The following NXPH4 variants were observed in gnomAD, a reference collection of about 807,000 sequenced individuals.
NXPH4 encodes neurexophilin 4, also known as neurexophilin-4.
Under a neutral mutation model 21.3 loss-of-function variants are expected in NXPH4, and 8 were observed. The observed-to-expected ratio is 0.38, with a 90% CI of 0.22 to 0.68. NXPH4 has a LOEUF of 0.68. Ranked by LOEUF, NXPH4 falls within the 30% of genes least tolerant of loss-of-function variation. The pLI is 0.53. For missense variants in NXPH4, 418 were observed against 416.8 expected (o/e 1.00, Z -0.03); for synonymous variants, 219 against 192.6 (o/e 1.14, Z -1.13).
chr12:57,217,853 C>G (rs1386079748), intron 1 of NXPH4, among the ~76,000 whole-genome samples: 1 of 152,236 alleles, frequency 6.6e-6, no homozygotes, highest in Non-Finnish European at 1.5e-5. Flanking sequence ...CACCTGTGTG[C>G]ATGTGTCCAG....
Position 57,226,015 on chromosome 12 carries a change from G to C in NXPH4, c.*268G>C, listed in dbSNP as rs1164921112. 2 of 1,161,988 alleles carry C rather than the reference G, an allele frequency of 1.7e-6. No individual in the cohort carries two copies. Among genetic ancestry groups the C allele is most frequent in the Non-Finnish European group, 2.3e-6 (2 of 864,984 alleles). The allele number at this position is 1,161,988 out of a possible 1,614,324, so 72.0% of individuals were successfully genotyped here. A position where few individuals can be genotyped will look rare whatever the true frequency, so the allele number is the denominator to read the frequency against. On this transcript the variant is annotated 3_prime_UTR_variant, in exon 2 of 2. Coordinates refer to ENST00000349394, the MANE Select transcript of NXPH4 (RefSeq NM_007224.4). Reference sequence around the variant, plus strand: ...CCCAGAATAGGCGGGGCTTGGAGGCGGTCCCAATGTCCCCTGGGTCCACAG... The same window carrying C: ...CCCAGAATAGGCGGGGCTTGGAGGCCGTCCCAATGTCCCCTGGGTCCACAG...
Position 57,216,860 on chromosome 12 carries a change from CCCGCCGCTCCCGCAGCCGCCCCG to C in NXPH4, c.-104_-82del. On this transcript the variant is annotated 5_prime_UTR_variant, in exon 1 of 2. Coordinates refer to ENST00000349394, the MANE Select transcript of NXPH4 (RefSeq NM_007224.4). This position sits in a 1 kb window ranked among gnomAD's most constrained non-coding sequence, Gnocchi z 5.3. Reference sequence around the variant, plus strand: ...CGCCGCTCCCGCCGCTCCCGCCGCTCCCGCCGCTCCCGCAGCCGCCCCGCCGCCCGCCCGGAGCCCCGCGTCCC... The same window carrying C: ...CGCCGCTCCCGCCGCTCCCGCCGCTCCCGCCCGCCCGGAGCCCCGCGTCCC... 1 of 584,848 alleles carries C rather than the reference CCCGCCGCTCCCGCAGCCGCCCCG, an allele frequency of 1.7e-6. No individual in the cohort carries two copies. The highest frequency in any genetic ancestry group is 2.2e-6 in the Non-Finnish European group (1 of 460,946). 36.2% of individuals were successfully genotyped at this position (584,848 alleles called of 1,614,324 possible).
chr12:57,217,043 TG>T lies in NXPH4; in HGVS notation c.57+21del. ...CTTAGGAAGGTAAGAGTGGCAGGGC[TG>T]GGGCGCTAGCGCGGGCGCGGGGTTC... is the stretch of plus-strand genomic sequence containing the variant. On this transcript the variant is annotated intron_variant, in intron 1 of 1. Transcript: ENST00000349394. 1 of 1,587,184 alleles carries T rather than the reference TG, an allele frequency of 6.3e-7. No homozygotes were observed. The highest frequency in any genetic ancestry group is 8.6e-7 in the Non-Finnish European group (1 of 1,168,178).
At position 57,225,052 on chromosome 12, in the gene NXPH4, G is replaced by A. The variant is rs770790657; in HGVS notation, c.232G>A (p.Ala78Thr). The A allele has an allele frequency of 6.8e-7, 1 of 1,477,366 alleles. No individual in the cohort carries two copies. The highest frequency in any genetic ancestry group is 9.0e-7 in the Non-Finnish European group (1 of 1,112,020). 91.5% of individuals were successfully genotyped at this position (1,477,366 alleles called of 1,614,324 possible). ...AWPTNHTGAL[A>T]RAGAAGALPA... Reference sequence around the variant, plus strand: ...GCCGACCAACCACACGGGGGCGCTGGCCCGGGCAGGGGCAGCCGGGGCGTT... The same window carrying A: ...GCCGACCAACCACACGGGGGCGCTGACCCGGGCAGGGGCAGCCGGGGCGTT... Residue 78 changes from alanine to threonine, a missense_variant, in exon 2 of 2, where the codon GCC (alanine) becomes ACC (threonine). Ala to Thr is a moderately conservative substitution (Grantham distance 58). Coordinates refer to ENST00000349394, the MANE Select transcript of NXPH4 (RefSeq NM_007224.4).
chr12:57,221,230 C>T, intron 1 of NXPH4: 2 of 423,192 alleles, frequency 4.7e-6, no homozygotes, highest in East Asian at 7.3e-5. Context: ...CAGCCAGACT[C>T]CACCGGCCCC....
Position 57,226,273 on chromosome 12 carries a change from G to A in NXPH4, c.*526G>A, listed in dbSNP as rs1312556461. On this transcript the variant is annotated 3_prime_UTR_variant, in exon 2 of 2. Transcript: ENST00000349394. Reference sequence around the variant, plus strand: ...TCCTCCAAACCCTATTAGGGTACCGGAAGCAGAACCCCTGGGCTGAGGCCC... The same window carrying A: ...TCCTCCAAACCCTATTAGGGTACCGAAAGCAGAACCCCTGGGCTGAGGCCC... 8 of 288,734 alleles carry A rather than the reference G, an allele frequency of 2.8e-5. No homozygotes were observed. Among genetic ancestry groups the A allele is most frequent in the Middle Eastern group, 9.0e-4 (1 of 1,108 alleles). 17.9% of individuals were successfully genotyped at this position (288,734 alleles called of 1,614,324 possible). A position where few individuals can be genotyped will look rare whatever the true frequency, so the allele number is the denominator to read the frequency against.
chr12:57,217,056 CG>C, intron 1 of NXPH4, 30 bp downstream of exon 1: 1 of 1,575,030 alleles, frequency 6.3e-7, no homozygotes, highest in Non-Finnish European at 8.6e-7. Context: ...GGCGCTAGCG[CG>C]GGCGCGGGGT....
At chr12:57,218,471 G>A in intron 1 of NXPH4, among the ~76,000 whole-genome samples, 1 of 152,316 alleles carries the variant, frequency 6.6e-6, no homozygotes, top group South Asian at 2.1e-4. Flanking sequence ...CTGGGGTCAA[G>A]AGGTGGTAGG....
chr12:57,223,834 C>T (rs374031115), intron 1 of NXPH4, among the ~76,000 whole-genome samples: 3 of 152,248 alleles, frequency 2.0e-5, no homozygotes, highest in African/African-American at 7.2e-5. Context: ...ATCTTGTCCT[C>T]GAGCCCATGC....
At position 57,216,819 on chromosome 12, in the gene NXPH4, A is replaced by G. The variant is rs2037041707; in HGVS notation, c.-151A>G. ...AGCGCCGGCTCCGCGCCTCGCGCCC[A>G]GTCCGCGGGCCGCGCCGCCGCTCCC... On this transcript the variant is annotated 5_prime_UTR_variant, in exon 1 of 2. Transcript: ENST00000349394. The surrounding 1 kb of genome is among the most constrained non-coding windows in gnomAD (Gnocchi z 5.3). 1.4e-5 allele frequency: 3 copies of G among 212,856 alleles called. No homozygotes were observed. The highest frequency in any genetic ancestry group is 1.8e-5 in the Non-Finnish European group (3 of 163,056). The allele number at this position is 212,856 out of a possible 1,614,324, so 13.2% of individuals were successfully genotyped here.
chr12:57,217,999 C>T (rs2037056431), intron 1 of NXPH4, among the ~76,000 whole-genome samples: 1 of 152,146 alleles, frequency 6.6e-6, no homozygotes, highest in Admixed American at 6.5e-5. Flanking sequence ...CTGGTGTGTG[C>T]CCGCAATGGG....
Position 57,225,502 on chromosome 12 carries a change from T to C in NXPH4, c.682T>C (p.Ser228Pro), listed in dbSNP as rs746131965. The C allele has an allele frequency of 6.2e-7, 1 of 1,609,424 alleles. No homozygotes were observed. Among genetic ancestry groups the C allele is most frequent in the Middle Eastern group, 1.7e-4 (1 of 6,054 alleles). The change falls in exon 2 of 2, where the codon TCA becomes CCA. Residue 228 changes from serine (S) to proline (P), a missense_variant. By Grantham distance (74) the Ser-to-Pro change is moderately conservative. Transcript: ENST00000349394. ...GTTGGGAGTGCCTGGGGCCAAAGAGTCACGCGCTTTCAATTGCCACGTGGA... is the reference window on the plus strand; with the variant it reads ...GTTGGGAGTGCCTGGGGCCAAAGAGCCACGCGCTTTCAATTGCCACGTGGA... ...GALGVPGAKE[S>P]RAFNCHVEYE...
At chr12:57,217,063 G>T (rs771536207) in intron 1 of NXPH4, 37 bp downstream of exon 1, 1 of 1,563,068 alleles carries the variant, frequency 6.4e-7, no homozygotes, top group Non-Finnish European at 8.7e-7. Flanking sequence ...GCGCGGGCGC[G>T]GGGTTCCGGG....
At chr12:57,223,949 C>T (rs1304220402) in intron 1 of NXPH4, among the ~76,000 whole-genome samples, 1 of 152,206 alleles carries the variant, frequency 6.6e-6, no homozygotes, top group Non-Finnish European at 1.5e-5. Flanking sequence ...AGGCGGCCTC[C>T]ACCAGAGTGG....
intron 1 of NXPH4, among the ~76,000 whole-genome samples, chr12:57,219,440 T>C (rs2037068760): frequency 6.6e-6 from 1 of 152,158 alleles, no homozygotes; most frequent in South Asian, 2.1e-4. Context: ...AGGCGATCAA[T>C]AGTCACTAAT....
chr12:57,225,842 C>T lies in NXPH4; in HGVS notation c.*95C>T. 1 of 1,515,310 alleles carries T rather than the reference C, an allele frequency of 6.6e-7. No individual in the cohort carries two copies. Among genetic ancestry groups the T allele is most frequent in the Non-Finnish European group, 8.8e-7 (1 of 1,133,558 alleles). The allele number at this position is 1,515,310 out of a possible 1,614,324, so 93.9% of individuals were successfully genotyped here. ...TGTTCTGCCGCTCCTGTGGCCATGTCGCCCACTCCTTCCACTCTGGGGGCG... is the reference window on the plus strand; with the variant it reads ...TGTTCTGCCGCTCCTGTGGCCATGTTGCCCACTCCTTCCACTCTGGGGGCG... On this transcript the variant is annotated 3_prime_UTR_variant, in exon 2 of 2. Transcript: ENST00000349394.
At position 57,226,057 on chromosome 12, in the gene NXPH4, C is replaced by A; in HGVS notation, c.*310C>A. 2.8e-6 allele frequency: 2 copies of A among 724,486 alleles called. No homozygotes were observed. Among genetic ancestry groups the A allele is most frequent in the Non-Finnish European group, 4.2e-6 (2 of 479,704 alleles). The allele number at this position is 724,486 out of a possible 1,614,324, so 44.9% of individuals were successfully genotyped here. On this transcript the variant is annotated 3_prime_UTR_variant, in exon 2 of 2. Transcript: ENST00000349394. Reference sequence around the variant, plus strand: ...GGTCCACAGTGGGTCCCCTTTTCACCCTTGGCGCTAGGCTGCGCACTCCCT... The same window carrying A: ...GGTCCACAGTGGGTCCCCTTTTCACACTTGGCGCTAGGCTGCGCACTCCCT...
intron 1 of NXPH4, among the ~76,000 whole-genome samples, chr12:57,217,909 T>A (rs571574376): frequency 6.6e-6 from 1 of 152,342 alleles, no homozygotes; most frequent in East Asian, 1.9e-4. Flanking sequence ...TACATGTGTA[T>A]ACTGGTGTGG....
Position 57,225,273 on chromosome 12 carries a change from T to A in NXPH4, c.453T>A (p.Ser151Arg), listed in dbSNP as rs755494287. The stretch of plus-strand genomic sequence containing the variant: ...ACTCGTCCAGCCTGGGCAACCTCAG[T>A]GTCAGCATCGTGCCGCCCTCCAAGC... ...RHNSSSLGNLSVSIVPPSKRV... is the reference protein window; with the variant it reads ...RHNSSSLGNLRVSIVPPSKRV... Residue 151 changes from serine to arginine, a missense_variant, in exon 2 of 2, where the codon AGT becomes AGA. By Grantham distance (110) the Ser-to-Arg change is moderately radical (BLOSUM62 -1). Coordinates refer to ENST00000349394, the MANE Select transcript of NXPH4 (RefSeq NM_007224.4). 2.6e-6 allele frequency: 4 copies of A among 1,550,208 alleles called. No individual in the cohort carries two copies. In the Admixed American group the frequency reaches 7.8e-5, roughly 30 times the overall value.
Sources: allele counts gnomAD v4.1 joint callset (sites outside exome capture counted in the v4.1 genomes callset), GRCh38; gene constraint gnomAD v4.1.1; non-coding constraint Gnocchi (gnomAD v3.1); transcripts MANE v1.5; gene names NCBI Gene and HGNC (gene_info 2026-07-23, HGNC 2026-07-21).